The following MCF2 variants were observed in gnomAD, a reference collection of about 807,000 sequenced individuals.
The protein encoded by MCF2 is proto-oncogene DBL.
MCF2 carries 44 observed loss-of-function variants against 82.5 expected under a neutral mutation model. That is an observed-to-expected ratio of 0.53 (90% CI 0.42 to 0.69). The LOEUF is 0.69. MCF2 is among the 30% of genes least tolerant of loss of function. MCF2 has a pLI of 0.00. For synonymous variants in MCF2, 217 were observed against 224.9 expected (o/e 0.96, Z 0.32); for missense variants, 623 against 663.1 (o/e 0.94, Z 0.66).
intron 6 of MCF2, among the ~76,000 whole-genome samples, chrX:139,624,125 G>C (rs1932610020): frequency 9.0e-6 from 1 of 111,529 alleles, no homozygotes; most frequent in Non-Finnish European, 1.9e-5. Flanking sequence ...TTCACCTGCA[G>C]ATATGATTCC....
intron 1 of MCF2, among the ~76,000 whole-genome samples, chrX:139,638,427 G>A (rs1280916117): frequency 9.0e-6 from 1 of 111,346 alleles, no homozygotes; most frequent in Non-Finnish European, 1.9e-5. Flanking sequence ...GCCTAAATTA[G>A]GTGGAAAATA....
chrX:139,605,816 T>A, intron 12 of MCF2, 37 bp from the exon 17 acceptor site: 1 of 986,219 alleles, frequency 1.0e-6, no homozygotes, highest in Non-Finnish European at 1.4e-6. Context: ...GTTATTTTAT[T>A]ACTGAGATCT....
intron 1 of MCF2, among the ~76,000 whole-genome samples, chrX:139,691,608 C>T (rs910240453): frequency 7.2e-5 from 8 of 110,525 alleles, no homozygotes; most frequent in Admixed American, 6.7e-4. Flanking sequence ...CTCCTGATCT[C>T]ACCTCCTGCG....
At chrX:139,656,038 C>T (rs1214529768) in intron 1 of MCF2, among the ~76,000 whole-genome samples, 1 of 111,657 alleles carries the variant, frequency 9.0e-6, no homozygotes, top group South Asian at 3.7e-4. Flanking sequence ...ACAGTAAATG[C>T]TGTTTTTTTT....
At chrX:139,655,975 T>C (rs951761519) in intron 1 of MCF2, among the ~76,000 whole-genome samples, 2 of 112,641 alleles carry the variant, frequency 1.8e-5, no homozygotes, top group Non-Finnish European at 1.9e-5. Flanking sequence ...TTTTTCCACA[T>C]TCAGTACAAT....
At chrX:139,692,250 C>T in intron 1 of MCF2, 1 of 475,756 alleles carries the variant, frequency 2.1e-6, no homozygotes, top group Non-Finnish European at 3.3e-6. Flanking sequence ...ACCCGCGCGC[C>T]GCCGCTGGGC....
chrX:139,680,235 C>A (rs964412640), intron 1 of MCF2, among the ~76,000 whole-genome samples: 2 of 111,818 alleles, frequency 1.8e-5, no homozygotes, highest in Non-Finnish European at 3.8e-5. Context: ...GCGATCCTCC[C>A]GCCTAAGCCT....
At chrX:139,672,955 T>C (rs937589726) in intron 1 of MCF2, among the ~76,000 whole-genome samples, 2 of 111,722 alleles carry the variant, frequency 1.8e-5, no homozygotes, top group Non-Finnish European at 3.8e-5. Flanking sequence ...TGGACTCTTT[T>C]TTGTTCGTAG....
At position 139,671,124 on chromosome X, in the gene MCF2, C is replaced by T. The variant is rs188287728; in HGVS notation, c.-44-19336G>A. On this transcript the variant is annotated intron_variant, in intron 1 of 27. Coordinates refer to the MCF2 transcript ENST00000414978. ...CATAAATGTCTTCTTTTGAGAAGTG[C>T]CTGTTCATATCCTTTGCCCACTTTT... 3.2e-4 allele frequency among the ~76,000 whole-genome samples: 36 copies of T among 111,804 alleles called. No homozygotes were observed. The East Asian group carries it at 6.5e-3, about 20-fold the overall frequency.
chrX:139,616,758 C>G (rs1931946915), intron 8 of MCF2, among the ~76,000 whole-genome samples: 1 of 111,123 alleles, frequency 9.0e-6, no homozygotes, highest in African/African-American at 3.3e-5. Flanking sequence ...CTAATTTATT[C>G]TGCAGCAGGA....
At chrX:139,704,147 G>A (rs918132145) in intron 1 of MCF2, among the ~76,000 whole-genome samples, 3 of 111,100 alleles carry the variant, frequency 2.7e-5, no homozygotes, top group Non-Finnish European at 3.8e-5. Context: ...ACATCATATC[G>A]AATGGGCAAA....
At chrX:139,616,597 T>TAA (rs370918316) in intron 8 of MCF2, 124 bp from the exon 12 acceptor site, 442 of 285,656 alleles carry the variant, frequency 1.5e-3, no homozygotes, top group Non-Finnish European at 2.1e-3. Flanking sequence ...TCAGAGCTGT[T>TAA]AAAAAAAAAA....
At chrX:139,689,909 G>T (rs1200472176) in intron 1 of MCF2, among the ~76,000 whole-genome samples, 2 of 111,312 alleles carry the variant, frequency 1.8e-5, no homozygotes, top group Non-Finnish European at 3.8e-5. Flanking sequence ...ATCCACAAAT[G>T]GTCATTTTTG....
chrX:139,678,455 A>T (rs901762562), intron 1 of MCF2, among the ~76,000 whole-genome samples: 3 of 111,913 alleles, frequency 2.7e-5, no homozygotes, highest in Non-Finnish European at 5.6e-5. Flanking sequence ...AGCATAAAAT[A>T]AAAAAACTGA....
intron 1 of MCF2, among the ~76,000 whole-genome samples, chrX:139,666,372 G>A (rs1367533595): frequency 9.0e-6 from 1 of 110,733 alleles, no homozygotes; most frequent in African/African-American, 3.3e-5. Flanking sequence ...ACTCCCTTGA[G>A]CATTTCTTTT....
upstream of MCF2, among the ~76,000 whole-genome samples, chrX:139,644,902 C>T (rs1238955445): frequency 8.9e-6 from 1 of 111,770 alleles, no homozygotes; most frequent in East Asian, 2.8e-4. Context: ...CCTCATCTCC[C>T]TCCTCGTCTA....
chrX:139,683,649 T>C (rs1271418966), intron 1 of MCF2, among the ~76,000 whole-genome samples: 2 of 112,309 alleles, frequency 1.8e-5, no homozygotes, highest in African/African-American at 3.2e-5. Context: ...CAGTGGGAAA[T>C]AATTGAAAGT....
chrX:139,690,116 A>G (rs1375790861), intron 1 of MCF2, among the ~76,000 whole-genome samples: 1 of 111,690 alleles, frequency 9.0e-6, no homozygotes, highest in Non-Finnish European at 1.9e-5. Flanking sequence ...AAGCCCAGGT[A>G]AAAACACAGC....
intron 1 of MCF2, among the ~76,000 whole-genome samples, chrX:139,659,545 G>A (rs1262770477): frequency 9.0e-6 from 1 of 111,218 alleles, no homozygotes; most frequent in Non-Finnish European, 1.9e-5. Context: ...ATTTCACAGC[G>A]ACGCTCTCTC....
Sources: gnomAD v4.1 joint callset for allele counts (sites outside exome capture counted in the v4.1 genomes callset) on GRCh38, gnomAD v4.1.1 for gene constraint, MANE v1.5 for transcripts, NCBI Gene and HGNC (gene_info 2026-07-23, HGNC 2026-07-21) for gene names.